The following ROBO2 variants were observed in gnomAD, a reference collection of about 807,000 sequenced individuals.
The protein encoded by ROBO2 is roundabout homolog 2.
Under a neutral mutation model 160.8 loss-of-function variants are expected in ROBO2, and 53 were observed. The ratio of observed to expected loss-of-function variants is 0.33; its 90% CI spans 0.26 to 0.41. The LOEUF is 0.41. Ranked by LOEUF, ROBO2 falls within the 10% of genes least tolerant of loss-of-function variation. The pLI, the probability that ROBO2 is intolerant of heterozygous loss-of-function variation, is 1.00. For synonymous variants in ROBO2, 664 were observed against 611.7 expected, an observed-to-expected ratio of 1.09 and a Z score of -1.26; for missense variants, 1,577 against 1,722.4, an observed-to-expected ratio of 0.92 and a Z score of 1.49.
At chr3:76,395,812 A>G (rs2077410052) in intron 2 of ROBO2, among the ~76,000 whole-genome samples, 1 of 152,186 alleles carries the variant, frequency 6.6e-6, no homozygotes, top group South Asian at 2.1e-4. Context: ...ACAGGCTCTG[A>G]AATTATGGCA....
At chr3:77,350,602 A>G (rs986850643) in intron 2 of ROBO2, among the ~76,000 whole-genome samples, 21 of 152,102 alleles carry the variant, frequency 1.4e-4, no homozygotes, top group African/African-American at 5.1e-4. Context: ...TTTTTCTTGT[A>G]TAGAGTCTTA....
At chr3:75,921,506 A>G (rs969672072) in intron 1 of ROBO2, among the ~76,000 whole-genome samples, 1 of 152,020 alleles carries the variant, frequency 6.6e-6, no homozygotes, top group Non-Finnish European at 1.5e-5. Flanking sequence ...TTCTATTTGT[A>G]TTGTTATTGT....
At chr3:77,237,909 GTGT>G (rs1295370936) in intron 2 of ROBO2, among the ~76,000 whole-genome samples, 2 of 152,162 alleles carry the variant, frequency 1.3e-5, no homozygotes, top group African/African-American at 2.4e-5. Flanking sequence ...TTTGGTGGTG[GTGT>G]TGTTCTGTAT....
rs60959193 is a variant in ROBO2 at position 77,484,508 on chromosome 3, AACACAC to A, written c.667+3319_667+3324del. 1.2e-3 allele frequency among the ~76,000 whole-genome samples: 172 copies of A among 146,582 alleles called. 1 individual carries two copies. The highest frequency in any genetic ancestry group is 0.01 in the Middle Eastern group (3 of 286). On this transcript the variant is annotated intron_variant, in intron 4 of 25. Transcript: ENST00000461745. Reference sequence around the variant, plus strand: ...TACAGGAATCTCTTGCCCCAACACAAACACACACACACACACACACACACACACACA... The same window carrying A: ...TACAGGAATCTCTTGCCCCAACACAAACACACACACACACACACACACACA...
intron 2 of ROBO2, among the ~76,000 whole-genome samples, chr3:77,210,006 G>C (rs181797916): frequency 6.6e-6 from 1 of 152,050 alleles, no homozygotes; most frequent in African/African-American, 2.4e-5. Flanking sequence ...TGTTTCTCTA[G>C]GCTGTTTCCA....
intron 2 of ROBO2, among the ~76,000 whole-genome samples, chr3:76,297,970 TG>T (rs1164569824): frequency 6.6e-6 from 1 of 152,072 alleles, no homozygotes; most frequent in African/African-American, 2.4e-5. Context: ...GACAACATTG[TG>T]AAAGATGCAT....
chr3:76,558,200 A>G (rs1359190715), intron 2 of ROBO2, among the ~76,000 whole-genome samples: 1 of 152,126 alleles, frequency 6.6e-6, no homozygotes, highest in African/African-American at 2.4e-5. Context: ...TGAACTGAAA[A>G]TGATAAATAG....
intron 2 of ROBO2, among the ~76,000 whole-genome samples, chr3:76,708,767 A>G (rs2093225179): frequency 6.6e-6 from 1 of 152,210 alleles, no homozygotes; most frequent in Non-Finnish European, 1.5e-5. Flanking sequence ...ACCAGAATGA[A>G]TGGATGAAGA....
At chr3:77,056,096 T>C (rs1559916339) in intron 1 of ROBO2, among the ~76,000 whole-genome samples, 1 of 152,224 alleles carries the variant, frequency 6.6e-6, no homozygotes, top group Admixed American at 6.5e-5. Flanking sequence ...CTGAAATATC[T>C]GAGTTGCAGC....
At chr3:76,792,737 C>CA (rs1215428725) in intron 2 of ROBO2, among the ~76,000 whole-genome samples, 4 of 151,394 alleles carry the variant, frequency 2.6e-5, no homozygotes, top group African/African-American at 7.3e-5. Flanking sequence ...ACAACAACAA[C>CA]AACAAAAAAA....
At chr3:77,625,514 A>G (rs532496659) in intron 23 of ROBO2, among the ~76,000 whole-genome samples, 2 of 152,056 alleles carry the variant, frequency 1.3e-5, no homozygotes, top group African/African-American at 2.4e-5. Flanking sequence ...AGTAACTGGG[A>G]CTACAGACGC....
intron 1 of ROBO2, among the ~76,000 whole-genome samples, chr3:77,063,004 A>T (rs1274981549): frequency 6.6e-6 from 1 of 152,214 alleles, no homozygotes; most frequent in Admixed American, 6.5e-5. Flanking sequence ...ATAAAAATAC[A>T]TTAGAGGAAT....
rs978692455 is a variant in ROBO2, at chr3:77,123,860, CATAGATACATAT to C, written c.388+25542_388+25553del. Among the ~76,000 whole-genome samples, 246 of 147,686 alleles carry C rather than the reference CATAGATACATAT, an allele frequency of 1.7e-3. 2 individuals carry two copies. The highest frequency in any genetic ancestry group is 0.011 in the Middle Eastern group (3 of 278). ...GATATATAATCTATCTATATAGATACATAGATACATATATAGATACATATATAGATACACATA... is the reference window on the plus strand; with the variant it reads ...GATATATAATCTATCTATATAGATACATAGATACATATATAGATACACATA... On this transcript the variant is annotated intron_variant, in intron 2 of 25. Transcript: ENST00000461745.
chr3:77,472,341 A>C (rs964573098), intron 2 of ROBO2, among the ~76,000 whole-genome samples: 1 of 152,148 alleles, frequency 6.6e-6, no homozygotes, highest in East Asian at 1.9e-4. Context: ...TTGTTAATCT[A>C]TTTCTTAACC....
At chr3:76,273,604 G>A (rs1359176028) in intron 2 of ROBO2, among the ~76,000 whole-genome samples, 1 of 152,086 alleles carries the variant, frequency 6.6e-6, no homozygotes, top group African/African-American at 2.4e-5. Context: ...GCAAAAGTGG[G>A]GAAAGCCCCT....
At chr3:77,354,438 CATCATGAATTT>C (rs2068777104) in intron 2 of ROBO2, among the ~76,000 whole-genome samples, 1 of 9,304 alleles carries the variant, frequency 1.1e-4, no homozygotes, top group Non-Finnish European at 7.2e-4. Context: ...CATGAATTTG[CATCATGAATTT>C]GCATCTAAAG....
At chr3:75,909,148 C>T (rs181213533) in intron 1 of ROBO2, among the ~76,000 whole-genome samples, 164 of 152,248 alleles carry the variant, frequency 1.1e-3, no homozygotes, top group Non-Finnish European at 1.6e-3. Context: ...GTGTCTGACA[C>T]GGGCTGACAC....
chr3:76,944,465 A>G (rs1222385325), intron 2 of ROBO2, among the ~76,000 whole-genome samples: 1 of 152,238 alleles, frequency 6.6e-6, no homozygotes, highest in Non-Finnish European at 1.5e-5. Context: ...ATCCACAGGT[A>G]TTGTAATTCT....
At chr3:77,613,417 G>C (rs1313893462) in intron 21 of ROBO2, among the ~76,000 whole-genome samples, 4 of 152,040 alleles carry the variant, frequency 2.6e-5, no homozygotes, top group Admixed American at 2.6e-4. Flanking sequence ...AGTAAGGAAA[G>C]TCCACCCATT....
Sources: allele counts gnomAD v4.1 joint callset (sites outside exome capture counted in the v4.1 genomes callset), GRCh38; gene constraint gnomAD v4.1.1; transcripts MANE v1.5; gene names NCBI Gene and HGNC (gene_info 2026-07-23, HGNC 2026-07-21).